The following HECTD2 variants were observed in gnomAD, a reference collection of about 807,000 sequenced individuals.
HECTD2 encodes HECT domain E3 ubiquitin protein ligase 2, also known as probable E3 ubiquitin-protein ligase HECTD2.
A neutral mutation model predicts 103.2 loss-of-function variants in HECTD2; 35 were observed. The observed-to-expected ratio is 0.34, with a 90% CI of 0.26 to 0.45. The LOEUF (loss-of-function observed/expected upper bound fraction) is 0.45. Ranked by LOEUF, HECTD2 falls within the 20% of genes least tolerant of loss-of-function variation. HECTD2 has a pLI of 1.00. For missense variants in HECTD2, 596 were observed against 937.4 expected, an observed-to-expected ratio of 0.64 and a Z score of 4.76; for synonymous variants, 281 against 329.9, an observed-to-expected ratio of 0.85 and a Z score of 1.61.
At chr10:91,471,956 A>C (rs558534161) in intron 5 of HECTD2, among the ~76,000 whole-genome samples, 1 of 152,344 alleles carries the variant, frequency 6.6e-6, no homozygotes, top group Admixed American at 6.5e-5. Context: ...ATTAGGAAAA[A>C]ACTATTTTAA....
rs9664423 is a variant in HECTD2, at chr10:91,462,266, A to G, written c.600+82A>G. 7,928 of 1,369,462 alleles carry G rather than the reference A, an allele frequency of 5.8e-3. 423 individuals carry two copies. The African/African-American group carries it at 0.1, about 18-fold the overall frequency. The allele number at this position is 1,369,462 out of a possible 1,614,324, so 84.8% of individuals were successfully genotyped here. A position where few individuals can be genotyped will look rare whatever the true frequency, so the allele number is the denominator to read the frequency against. On this transcript the variant is annotated intron_variant, in intron 5 of 20. Transcript: ENST00000298068. ...CAGCCATACAAATATTGTAAAAATC[A>G]CCTTATAATTACCTTAGAAACTCTG...
chr10:91,437,947 A>G (rs970200313), intron 2 of HECTD2, among the ~76,000 whole-genome samples: 1 of 151,978 alleles, frequency 6.6e-6, no homozygotes, highest in African/African-American at 2.4e-5. Context: ...GTGACAAAAC[A>G]CTTTTTTTAA....
chr10:91,505,712 A>G (rs1417117388), intron 20 of HECTD2, among the ~76,000 whole-genome samples: 1 of 151,706 alleles, frequency 6.6e-6, no homozygotes, highest in Non-Finnish European at 1.5e-5. Context: ...TAGACAGATC[A>G]ACGAGACAGA....
intron 1 of HECTD2, among the ~76,000 whole-genome samples, chr10:91,424,353 G>T (rs1843475643): frequency 6.6e-6 from 1 of 152,106 alleles, no homozygotes; most frequent in South Asian, 2.1e-4. Flanking sequence ...AAAGGTAAAT[G>T]GCAATCAGTC....
intron 2 of HECTD2, among the ~76,000 whole-genome samples, chr10:91,435,211 TAA>T: frequency 6.6e-6 from 1 of 151,964 alleles, no homozygotes; most frequent in Non-Finnish European, 1.5e-5. Context: ...GTCCAGAGGT[TAA>T]CTATTGTTCC....
chr10:91,482,633 A>G (rs796503044), intron 7 of HECTD2, among the ~76,000 whole-genome samples: 10 of 152,110 alleles, frequency 6.6e-5, no homozygotes, highest in African/African-American at 2.2e-4. Flanking sequence ...TTCGATACTC[A>G]AAACAACCCT....
intron 12 of HECTD2, 47 bp from the exon 13 acceptor site, chr10:91,492,304 CT>C: frequency 1.3e-6 from 2 of 1,558,102 alleles, no homozygotes; most frequent in Non-Finnish European, 1.8e-6. Context: ...TGTTAATTCT[CT>C]TTTCACTGCT....
intron 5 of HECTD2, among the ~76,000 whole-genome samples, chr10:91,475,728 A>G (rs1273627682): frequency 6.6e-6 from 1 of 152,224 alleles, no homozygotes; most frequent in Non-Finnish European, 1.5e-5. Context: ...GTAAACAGAC[A>G]ACACACTCAA....
Position 91,418,186 on chromosome 10 carries a change from T to TA in HECTD2, c.139-7086dup, listed in dbSNP as rs200185627. Among the ~76,000 whole-genome samples the TA allele has an allele frequency of 9.0e-4, 137 of 151,542 alleles. 1 individual carries two copies. The highest frequency in any genetic ancestry group is 8.1e-3 in the East Asian group (42 of 5,166). ...TTGGTTTTGTTCTAGATGTTTTTGT[T>TA]AAAAAAAAAGAACAAGACTCTTAAT... On this transcript the variant is annotated intron_variant, in intron 1 of 20. Coordinates refer to ENST00000298068, the MANE Select transcript of HECTD2 (RefSeq NM_182765.6).
intron 8 of HECTD2, among the ~76,000 whole-genome samples, chr10:91,483,773 A>G (rs541039481): frequency 6.6e-6 from 1 of 152,100 alleles, no homozygotes; most frequent in South Asian, 2.1e-4. Context: ...TTGTCAGCCA[A>G]TCAGTATATA....
At chr10:91,424,149 A>G (rs548202841) in intron 1 of HECTD2, among the ~76,000 whole-genome samples, 1 of 152,258 alleles carries the variant, frequency 6.6e-6, no homozygotes, top group East Asian at 1.9e-4. Context: ...TGGTTGCCAC[A>G]GTCGAGGAAA....
chr10:91,457,055 C>T (rs1368003945), intron 2 of HECTD2, among the ~76,000 whole-genome samples: 1 of 152,038 alleles, frequency 6.6e-6, no homozygotes, highest in Non-Finnish European at 1.5e-5. Context: ...AAACTCTACA[C>T]ACATAAATTA....
At chr10:91,474,815 TAAG>T (rs1471664695) in intron 5 of HECTD2, among the ~76,000 whole-genome samples, 1 of 152,180 alleles carries the variant, frequency 6.6e-6, no homozygotes, top group Non-Finnish European at 1.5e-5. Flanking sequence ...GGCAATGTAA[TAAG>T]AAGTGATTAG....
intron 2 of HECTD2, among the ~76,000 whole-genome samples, chr10:91,457,096 A>C (rs2133186252): frequency 6.6e-6 from 1 of 152,284 alleles, no homozygotes; most frequent in South Asian, 2.1e-4. Context: ...CTCAAAAAAC[A>C]AAAGCTATTG....
rs750543367 is a variant in HECTD2, at chr10:91,512,257, T to C, written c.2211-7T>C. 6.2e-7 allele frequency: 1 copy of C among 1,606,984 alleles called. No individual in the cohort carries two copies. Among genetic ancestry groups the C allele is most frequent in the Non-Finnish European group, 8.5e-7 (1 of 1,177,448 alleles). Reference sequence around the variant, plus strand: ...ACTTAGTATTTTTTTTTAATTTTTTTCCCTAGCTTACCTGTGGCCCATACC... The same window carrying C: ...ACTTAGTATTTTTTTTTAATTTTTTCCCCTAGCTTACCTGTGGCCCATACC... On this transcript the variant is annotated splice_region_variant and splice_polypyrimidine_tract_variant and intron_variant, in intron 20 of 20. Transcript: ENST00000298068.
In HECTD2 at chr10:91,513,573, GTTT is replaced by G. The variant is rs531209151; in HGVS notation, c.*1195_*1197del. On this transcript the variant is annotated 3_prime_UTR_variant, in exon 21 of 21. Transcript: ENST00000298068. Reference sequence around the variant, plus strand: ...CTGCATTTTAAGTCAGACAGTAAATGTTTTTTTTAATTTACAGCAAATGAAGCA... The same window carrying G: ...CTGCATTTTAAGTCAGACAGTAAATGTTTTTAATTTACAGCAAATGAAGCA... 66 of 152,068 alleles carry G rather than the reference GTTT, an allele frequency of 4.3e-4. No individual in the cohort carries two copies. In the East Asian group the frequency reaches 9.9e-3, roughly 23 times the overall value. 9.4% of individuals were successfully genotyped at this position (152,068 alleles called of 1,614,324 possible).
chr10:91,501,418 G>A, intron 20 of HECTD2, 84 bp downstream of exon 20: 2 of 792,986 alleles, frequency 2.5e-6, no homozygotes, highest in Non-Finnish European at 3.8e-6. Context: ...ATCAGGATGT[G>A]TACTCCGTTT....
At chr10:91,482,897 T>G (rs1589530206) in intron 7 of HECTD2, 70 bp from the exon 8 acceptor site, 2 of 643,804 alleles carry the variant, frequency 3.1e-6, no homozygotes, top group Non-Finnish European at 5.4e-6. Flanking sequence ...CACGTACTTA[T>G]TAAGCTTAGT....
At chr10:91,427,006 C>A (rs189984603) in intron 2 of HECTD2, among the ~76,000 whole-genome samples, 3 of 103,814 alleles carry the variant, frequency 2.9e-5, no homozygotes, top group Non-Finnish European at 5.6e-5. Flanking sequence ...CCCCCTCCCC[C>A]CACCCCACAA....
Sources: allele counts gnomAD v4.1 joint callset (sites outside exome capture counted in the v4.1 genomes callset), GRCh38; gene constraint gnomAD v4.1.1; transcripts MANE v1.5; gene names NCBI Gene and HGNC (gene_info 2026-07-23, HGNC 2026-07-21).